KCNH5: variants seen among roughly 807,000 people sequenced by gnomAD.
KCNH5 encodes the protein potassium voltage-gated channel subfamily H member 5, also known as voltage-gated delayed rectifier potassium channel KCNH5.
KCNH5 carries 46 observed loss-of-function variants against 96.1 expected under a neutral mutation model. The ratio of observed to expected loss-of-function variants is 0.48; its 90% CI spans 0.38 to 0.61. The LOEUF is 0.61. Ranked by LOEUF, KCNH5 falls within the 20% of genes least tolerant of loss-of-function variation. The pLI is 0.00. For missense variants in KCNH5, 907 were observed against 1,225.8 expected (o/e 0.74, Z 3.88); for synonymous variants, 439 against 449.8 (o/e 0.98, Z 0.30).
At chr14:63,023,225 A>G (rs1292984117) in intron 1 of KCNH5, among the ~76,000 whole-genome samples, 2 of 151,888 alleles carry the variant, frequency 1.3e-5, no homozygotes, top group African/African-American at 4.8e-5. Context: ...AGAAAAAATT[A>G]ATGTTTATCT....
chr14:62,699,979 T>C lies in KCNH5; in HGVS notation c.*7529A>G, dbSNP rs944445043. Reference sequence around the variant, plus strand: ...GCATGAATCAATTATTTCTGGTGAATTAACCCTTAAAGGCAGAGGCATTTT... The same window carrying C: ...GCATGAATCAATTATTTCTGGTGAACTAACCCTTAAAGGCAGAGGCATTTT... On this transcript the variant is annotated 3_prime_UTR_variant, in exon 11 of 11. Transcript: ENST00000322893. 6.6e-6 allele frequency: 1 copy of C among 152,216 alleles called. No individual in the cohort carries two copies. The highest frequency in any genetic ancestry group is 1.5e-5 in the Non-Finnish European group (1 of 68,026). The allele number at this position is 152,216 out of a possible 1,614,324, so 9.4% of individuals were successfully genotyped here. A position where few individuals can be genotyped will look rare whatever the true frequency, so the allele number is the denominator to read the frequency against.
intron 10 of KCNH5, among the ~76,000 whole-genome samples, chr14:62,708,801 T>C (rs1174609842): frequency 1.3e-5 from 2 of 152,120 alleles, no homozygotes; most frequent in Non-Finnish European, 2.9e-5. Context: ...AATACACACA[T>C]ACATACACAC....
rs191830292 is a variant in KCNH5 at position 62,815,048 on chromosome 14, G to C, written c.1570-12467C>G. On this transcript the variant is annotated intron_variant, in intron 8 of 10. Coordinates refer to ENST00000322893, the MANE Select transcript of KCNH5 (RefSeq NM_139318.5). ...TCAAAGATTCATTAATGTTGAAATA[G>C]ATAAATATTAATACATTGTGGCACA... 6.3e-3 allele frequency among the ~76,000 whole-genome samples: 959 copies of C among 152,180 alleles called. 32 individuals are homozygous for C. Among genetic ancestry groups the C allele is most frequent in the Admixed American group, 0.059 (897 of 15,260 alleles).
intron 8 of KCNH5, among the ~76,000 whole-genome samples, chr14:62,833,631 C>A (rs956232737): frequency 6.6e-6 from 1 of 151,878 alleles, no homozygotes; most frequent in South Asian, 2.1e-4. Flanking sequence ...GGGGTTCCAT[C>A]GTTTTTTCTA....
At chr14:62,927,028 A>G (rs1182883434) in intron 7 of KCNH5, among the ~76,000 whole-genome samples, 3 of 152,134 alleles carry the variant, frequency 2.0e-5, no homozygotes, top group Non-Finnish European at 4.4e-5. Context: ...GCAAACATTT[A>G]AAAAGAAAAC....
Position 62,760,351 on chromosome 14 carries a change from C to T in KCNH5, c.2019+19377G>A, listed in dbSNP as rs575104958. Among the ~76,000 whole-genome samples the T allele has an allele frequency of 2.8e-4, 43 of 152,328 alleles. 1 individual carries two copies. Among genetic ancestry groups the T allele is most frequent in the African/African-American group, 1.0e-3 (42 of 41,566 alleles). ...ATACAGTCCATAATCATACCTAACA[C>T]GGTCACCGAGGTACCAGTTAAAAAA... On this transcript the variant is annotated intron_variant, in intron 10 of 10. Transcript: ENST00000322893.
intron 10 of KCNH5, among the ~76,000 whole-genome samples, chr14:62,721,101 A>G (rs1884804642): frequency 6.6e-6 from 1 of 152,050 alleles, no homozygotes; most frequent in Non-Finnish European, 1.5e-5. Context: ...TATCAGGGAT[A>G]AGCTCTTTCA....
At chr14:62,905,768 C>T (rs892826900) in intron 7 of KCNH5, among the ~76,000 whole-genome samples, 8 of 152,160 alleles carry the variant, frequency 5.3e-5, no homozygotes, top group African/African-American at 1.9e-4. Flanking sequence ...GGCTTTGATC[C>T]CTTTCACTTG....
chr14:62,908,701 G>A (rs941793197), intron 7 of KCNH5, among the ~76,000 whole-genome samples: 45 of 149,320 alleles, frequency 3.0e-4, no homozygotes, highest in African/African-American at 9.6e-4. Context: ...ACTTCGCTGT[G>A]AAAGAATTTT....
intron 10 of KCNH5, among the ~76,000 whole-genome samples, chr14:62,727,226 A>G (rs907546904): frequency 6.6e-6 from 1 of 152,048 alleles, no homozygotes; most frequent in East Asian, 1.9e-4. Context: ...TTAGCTGGAC[A>G]TGGTGGCACA....
At chr14:62,848,663 A>AAC (rs1415668758) in intron 8 of KCNH5, among the ~76,000 whole-genome samples, 1 of 152,134 alleles carries the variant, frequency 6.6e-6, no homozygotes, top group African/African-American at 2.4e-5. Context: ...AAATTCTCCT[A>AAC]ACTAAACATC....
At chr14:62,963,015 T>C (rs529423733) in intron 6 of KCNH5, among the ~76,000 whole-genome samples, 2 of 152,228 alleles carry the variant, frequency 1.3e-5, no homozygotes, top group South Asian at 2.1e-4. Context: ...AGAAGGTCAA[T>C]AGTAGCCTAA....
intron 10 of KCNH5, among the ~76,000 whole-genome samples, chr14:62,774,893 T>C (rs1886063882): frequency 6.6e-6 from 1 of 152,228 alleles, no homozygotes; most frequent in African/African-American, 2.4e-5. Context: ...TCCAGTAGTC[T>C]GGCAGAGCCT....
At chr14:62,849,917 T>C in intron 7 of KCNH5, 65 bp from the exon 8 acceptor site, 3 of 1,268,832 alleles carry the variant, frequency 2.4e-6, no homozygotes, top group Non-Finnish European at 2.3e-6. Context: ...AAATATTTGC[T>C]AAATCAATGA....
At chr14:62,858,349 G>A (rs1411401578) in intron 7 of KCNH5, among the ~76,000 whole-genome samples, 1 of 152,190 alleles carries the variant, frequency 6.6e-6, no homozygotes. Context: ...GGATTGGGTT[G>A]TTGTAGTTTC....
intron 7 of KCNH5, among the ~76,000 whole-genome samples, chr14:62,860,779 C>T (rs1888018107): frequency 6.6e-6 from 1 of 152,194 alleles, no homozygotes; most frequent in African/African-American, 2.4e-5. Context: ...AATACAAAGG[C>T]TAACTTAGTC....
intron 6 of KCNH5, among the ~76,000 whole-genome samples, chr14:62,965,209 C>T (rs1226672676): frequency 6.6e-6 from 1 of 152,002 alleles, no homozygotes; most frequent in Non-Finnish European, 1.5e-5. Flanking sequence ...GTTTGTCCCA[C>T]CAAAACTCAA....
intron 7 of KCNH5, among the ~76,000 whole-genome samples, chr14:62,895,256 C>T (rs1365008453): frequency 6.6e-6 from 1 of 151,964 alleles, no homozygotes; most frequent in Admixed American, 6.6e-5. Context: ...TGACTTAGTA[C>T]CCCACAAATT....
At chr14:62,866,739 C>T (rs767041001) in intron 7 of KCNH5, among the ~76,000 whole-genome samples, 51 of 152,112 alleles carry the variant, frequency 3.4e-4, no homozygotes, top group Non-Finnish European at 6.0e-4. Flanking sequence ...TTCAAGTTCC[C>T]ATTTAATCCT....
Sources: gnomAD v4.1 joint callset for allele counts (sites outside exome capture counted in the v4.1 genomes callset) on GRCh38, gnomAD v4.1.1 for gene constraint, MANE v1.5 for transcripts, NCBI Gene and HGNC (gene_info 2026-07-23, HGNC 2026-07-21) for gene names.